The following NOXRED1 variants were observed in gnomAD, a reference collection of about 807,000 sequenced individuals.
The protein encoded by NOXRED1 is NADP dependent oxidoreductase domain containing 1, also known as NADP-dependent oxidoreductase domain-containing protein 1.
In NOXRED1, 20 loss-of-function variants were observed where a neutral mutation model predicts 30.4. The ratio of observed to expected loss-of-function variants is 0.66; its 90% confidence interval spans 0.46 to 0.96. The LOEUF (loss-of-function observed/expected upper bound fraction) is 0.96. Ranked by LOEUF, NOXRED1 falls within the 40% of genes least tolerant of loss-of-function variation. The probability of loss-of-function intolerance (pLI) is 0.00; values close to 1 mark genes in which losing one functional copy is unlikely to be tolerated. For synonymous variants in NOXRED1, 155 were observed against 168.0 expected (o/e 0.92, Z 0.60); for missense variants, 374 against 428.0 (o/e 0.87, Z 1.11).
At chr14:77,416,005 A>C (rs186705247) in intron 1 of NOXRED1, among the ~76,000 whole-genome samples, 8 of 152,168 alleles carry the variant, frequency 5.3e-5, no homozygotes, top group African/African-American at 1.2e-4. Flanking sequence ...ATGAGCCACC[A>C]CACCCGACCT....
At chr14:77,420,675 G>A (rs772245241) in intron 1 of NOXRED1, among the ~76,000 whole-genome samples, 3 of 152,098 alleles carry the variant, frequency 2.0e-5, no homozygotes, top group Non-Finnish European at 4.4e-5. Flanking sequence ...GGTTTCTGCA[G>A]TAGTTTGTTC....
At chr14:77,395,803 T>C (rs1230947136) in intron 5 of NOXRED1, among the ~76,000 whole-genome samples, 1 of 151,784 alleles carries the variant, frequency 6.6e-6, no homozygotes, top group Non-Finnish European at 1.5e-5. Context: ...CCCCCATCTC[T>C]AAAAAAACAG....
intron 1 of NOXRED1, among the ~76,000 whole-genome samples, chr14:77,420,510 T>TACA (rs1894965165): frequency 6.6e-6 from 1 of 151,768 alleles, no homozygotes; most frequent in African/African-American, 2.4e-5. Flanking sequence ...TTGTAATTTG[T>TACA]AATTTGTAAT....
rs1281077503 is a variant in NOXRED1, at chr14:77,422,963, T to C, written c.-74A>G. The C allele has an allele frequency of 3.1e-6, 4 of 1,272,822 alleles. No individual in the cohort carries two copies. In the South Asian group the frequency reaches 4.1e-5, roughly 13 times the overall value. The allele number at this position is 1,272,822 out of a possible 1,614,324, so 78.8% of individuals were successfully genotyped here. A position where few individuals can be genotyped will look rare whatever the true frequency, so the allele number is the denominator to read the frequency against. On this transcript the variant is annotated 5_prime_UTR_variant, in exon 1 of 6. Transcript: ENST00000380835. ...CCTGTCCCGGTAGAAGAGGGGTCTA[T>C]GTAGGAGGTGTGTGTATGATGGTGT...
At chr14:77,414,313 G>A (rs1894754417) in intron 1 of NOXRED1, among the ~76,000 whole-genome samples, 186 bp from the exon 2 acceptor site, 1 of 151,728 alleles carries the variant, frequency 6.6e-6, no homozygotes, top group Non-Finnish European at 1.5e-5. Context: ...CCGAGTAGCT[G>A]GGACTACAGG....
At position 77,412,874 on chromosome 14, in the gene NOXRED1, A is replaced by G. The variant is rs189996337; in HGVS notation, c.349+1060T>C. The stretch of plus-strand genomic sequence containing the variant: ...CATTATGTAAAAAAAAACAGAATAC[A>G]AACAACTGTATACAGTGTCGATTAC... On this transcript the variant is annotated intron_variant, in intron 2 of 5. Coordinates refer to ENST00000380835, the MANE Select transcript of NOXRED1 (RefSeq NM_001113475.3). 1.1e-3 allele frequency among the ~76,000 whole-genome samples: 164 copies of G among 152,266 alleles called. 3 individuals are homozygous for G. In the East Asian group the frequency reaches 0.023, roughly 22 times the overall value.
At position 77,422,991 on chromosome 14, in the gene NOXRED1, G is replaced by A. The variant is rs913228258; in HGVS notation, c.-102C>T. On this transcript the variant is annotated 5_prime_UTR_variant, in exon 1 of 6. Transcript: ENST00000380835. ...AGGAGGTGTGTGTATGATGGTGTGT[G>A]TGCCCAGGTCACAAGCACTCATGAT... The A allele has an allele frequency of 1.4e-5, 13 of 946,440 alleles. No individual in the cohort carries two copies. The highest frequency in any genetic ancestry group is 2.1e-5 in the Non-Finnish European group (13 of 617,722). 58.6% of individuals were successfully genotyped at this position (946,440 alleles called of 1,614,324 possible). A position where few individuals can be genotyped will look rare whatever the true frequency, so the allele number is the denominator to read the frequency against.
At chr14:77,410,150 T>A (rs577402692) in intron 2 of NOXRED1, among the ~76,000 whole-genome samples, 1 of 150,936 alleles carries the variant, frequency 6.6e-6, no homozygotes, top group East Asian at 1.9e-4. Flanking sequence ...AAAAAAAAAA[T>A]GGCCAGGTGT....
chr14:77,424,854 A>G (rs116480787), upstream of NOXRED1, among the ~76,000 whole-genome samples: 985 of 152,314 alleles, frequency 6.5e-3, 11 homozygotes, highest in African/African-American at 0.023. Context: ...AGGAGGGTGG[A>G]AATGAACAGT....
intron 1 of NOXRED1, among the ~76,000 whole-genome samples, chr14:77,419,427 G>GT (rs34015054): frequency 0.14 from 18,717 of 132,758 alleles, 1,623 homozygotes; most frequent in Middle Eastern, 0.24. Context: ...TGGTTGACAG[G>GT]TTTTTTTTTT....
chr14:77,409,980 T>C (rs553823773), intron 2 of NOXRED1, among the ~76,000 whole-genome samples: 1 of 152,220 alleles, frequency 6.6e-6, no homozygotes, highest in African/African-American at 2.4e-5. Flanking sequence ...GTTTTGTATT[T>C]TTAGCAGAGA....
Position 77,394,235 on chromosome 14 carries a change from T to C in NOXRED1, c.*396A>G, listed in dbSNP as rs969996758. 6.5e-6 allele frequency: 1 copy of C among 154,338 alleles called. No individual in the cohort carries two copies. The highest frequency in any genetic ancestry group is 1.4e-5 in the Non-Finnish European group (1 of 69,516). 9.6% of individuals were successfully genotyped at this position (154,338 alleles called of 1,614,324 possible). A position where few individuals can be genotyped will look rare whatever the true frequency, so the allele number is the denominator to read the frequency against. On this transcript the variant is annotated 3_prime_UTR_variant, in exon 6 of 6. Coordinates refer to ENST00000380835, the MANE Select transcript of NOXRED1 (RefSeq NM_001113475.3). ...GTGAGAAAATCAAACTGTATCTTTT[T>C]CCAGCTACCTACTGCTGGCAAATGG...
chr14:77,403,352 T>G lies in NOXRED1; in HGVS notation c.905+2561A>C, dbSNP rs550300691. On this transcript the variant is annotated intron_variant, in intron 5 of 5. Transcript: ENST00000380835. ...AAAAATAGTATAACGAAACTCCATA[T>G]GCCTATCACTCAGATTTAACAATTA... 3.0e-3 allele frequency among the ~76,000 whole-genome samples: 456 copies of G among 152,340 alleles called. 3 individuals are homozygous for G. Among genetic ancestry groups the G allele is most frequent in the African/African-American group, 0.011 (444 of 41,584 alleles).
intron 1 of NOXRED1, 92 bp from the exon 2 acceptor site, chr14:77,414,219 T>A: frequency 1.2e-6 from 1 of 831,860 alleles, no homozygotes; most frequent in Non-Finnish European, 1.8e-6. Flanking sequence ...TCTTGCTTTG[T>A]CGCCCAGGTT....
chr14:77,399,205 C>T (rs1168453356), intron 5 of NOXRED1, among the ~76,000 whole-genome samples: 1 of 152,082 alleles, frequency 6.6e-6, no homozygotes, highest in Admixed American at 6.6e-5. Context: ...CTCCTGTAAT[C>T]CCAGCAATCT....
intron 5 of NOXRED1, among the ~76,000 whole-genome samples, chr14:77,405,519 C>G (rs1894433403): frequency 6.6e-6 from 1 of 152,174 alleles, no homozygotes; most frequent in Non-Finnish European, 1.5e-5. Flanking sequence ...ATAAATGTGT[C>G]CGGTGGACAC....
intron 1 of NOXRED1, among the ~76,000 whole-genome samples, chr14:77,415,619 T>TAGACAGAC: frequency 6.8e-6 from 1 of 147,278 alleles, no homozygotes; most frequent in African/African-American, 2.5e-5. Flanking sequence ...GATAGATAGA[T>TAGACAGAC]AGATAGATAG....
intron 5 of NOXRED1, among the ~76,000 whole-genome samples, chr14:77,398,536 C>T (rs1052384072): frequency 6.6e-6 from 1 of 152,122 alleles, no homozygotes; most frequent in Non-Finnish European, 1.5e-5. Context: ...TTTAGCCATC[C>T]TGTTCCACTG....
At chr14:77,415,585 TATAGATAGATAGATAGATAGATAGATAG>T (rs35339836) in intron 1 of NOXRED1, among the ~76,000 whole-genome samples, 1 of 145,422 alleles carries the variant, frequency 6.9e-6, no homozygotes, top group African/African-American at 2.5e-5. Flanking sequence ...AGAAAATACA[TATAGATAGATAGATAGATAGATAGATAG>T]ATAGATAGAT....
Sources: gnomAD v4.1 joint callset for allele counts (sites outside exome capture counted in the v4.1 genomes callset) on GRCh38, gnomAD v4.1.1 for gene constraint, MANE v1.5 for transcripts, NCBI Gene and HGNC (gene_info 2026-07-23, HGNC 2026-07-21) for gene names.